The following CRKL variants were observed in gnomAD, a reference collection of about 807,000 sequenced individuals.
CRKL encodes the protein CRK like proto-oncogene, adaptor protein, also known as crk-like protein.
CRKL carries 3 observed loss-of-function variants against 23.0 expected under a neutral mutation model. The ratio of observed to expected loss-of-function variants is 0.13; its 90% CI spans 0.06 to 0.34. The LOEUF is 0.34. Among genes scored for constraint, CRKL ranks in the 10% least tolerant of loss-of-function variants. The pLI, the probability that CRKL is intolerant of heterozygous loss-of-function variation, is 1.00. For synonymous variants in CRKL, 188 were observed against 160.7 expected (o/e 1.17, Z -1.28); for missense variants, 256 against 394.5 (o/e 0.65, Z 2.97).
Position 20,935,194 on chromosome 22 carries a change from C to T in CRKL, c.777+950C>T, listed in dbSNP as rs964015556. Among the ~76,000 whole-genome samples, 92 of 152,012 alleles carry T rather than the reference C, an allele frequency of 6.1e-4. 2 individuals are homozygous for T. The highest frequency in any genetic ancestry group is 1.9e-4 in the Non-Finnish European group (13 of 68,012). Reference sequence around the variant, plus strand: ...GTGGCATGATCTTGCCTCATGGCAACGTCTGCCTCCTGGGTTCAAATGATT... The same window carrying T: ...GTGGCATGATCTTGCCTCATGGCAATGTCTGCCTCCTGGGTTCAAATGATT... On this transcript the variant is annotated intron_variant, in intron 2 of 2. Coordinates refer to ENST00000354336, the MANE Select transcript of CRKL (RefSeq NM_005207.4).
In CRKL at chr22:20,951,386, T is replaced by A. The variant is rs1922270520; in HGVS notation, c.*1541T>A. The A allele has an allele frequency of 4.3e-6, 1 of 230,940 alleles. No homozygotes were observed. Among genetic ancestry groups the A allele is most frequent in the Non-Finnish European group, 8.6e-6 (1 of 116,748 alleles). The allele number at this position is 230,940 out of a possible 1,614,324, so 14.3% of individuals were successfully genotyped here. ...ATTAACTAGTTTATCATTAACCACT[T>A]ATCAGTGTATTGATGTTAAAGCATT... On this transcript the variant is annotated 3_prime_UTR_variant, in exon 3 of 3. Coordinates refer to ENST00000354336, the MANE Select transcript of CRKL (RefSeq NM_005207.4).
At chr22:20,947,262 A>C (rs1922099383) in intron 2 of CRKL, among the ~76,000 whole-genome samples, 1 of 149,068 alleles carries the variant, frequency 6.7e-6, no homozygotes, top group Admixed American at 6.6e-5. Context: ...TTTTCAATAG[A>C]AGCTAGGTCT....
intron 1 of CRKL, among the ~76,000 whole-genome samples, chr22:20,925,972 T>C (rs960754391): frequency 6.6e-6 from 1 of 152,196 alleles, no homozygotes; most frequent in Non-Finnish European, 1.5e-5. Context: ...CTTTGGTCTA[T>C]TGAAAAAATT....
intron 1 of CRKL, among the ~76,000 whole-genome samples, chr22:20,919,604 T>G (rs1029278021): frequency 9.8e-5 from 15 of 152,338 alleles, no homozygotes; most frequent in African/African-American, 3.6e-4. Flanking sequence ...CAGAGGTTTC[T>G]TTTATTTAAA....
chr22:20,943,154 G>A (rs1456098445), intron 2 of CRKL, among the ~76,000 whole-genome samples: 1 of 152,102 alleles, frequency 6.6e-6, no homozygotes, highest in East Asian at 1.9e-4. Flanking sequence ...TTTCATATTG[G>A]CTTTTGGCAA....
chr22:20,923,901 GGTTGGCT>G (rs752448365), intron 1 of CRKL, among the ~76,000 whole-genome samples: 27 of 151,950 alleles, frequency 1.8e-4, no homozygotes, highest in Non-Finnish European at 3.4e-4. Context: ...AAAATGTAAA[GGTTGGCT>G]GTGCTCGGTG....
At chr22:20,933,163 G>T (rs920043379) in intron 1 of CRKL, among the ~76,000 whole-genome samples, 4 of 152,000 alleles carry the variant, frequency 2.6e-5, no homozygotes, top group Non-Finnish European at 5.9e-5. Flanking sequence ...GAGGTCAGGA[G>T]ATCAAGACCA....
chr22:20,930,869 A>T (rs1452275027), intron 1 of CRKL, among the ~76,000 whole-genome samples: 1 of 150,800 alleles, frequency 6.6e-6, no homozygotes, highest in Non-Finnish European at 1.5e-5. Flanking sequence ...TTTAGTAGAG[A>T]GACAGGGTTT....
chr22:20,931,710 A>C (rs1307349637), intron 1 of CRKL, among the ~76,000 whole-genome samples: 1 of 152,224 alleles, frequency 6.6e-6, no homozygotes, highest in Non-Finnish European at 1.5e-5. Context: ...CAATCTCTTC[A>C]AAGATCGTAA....
In CRKL at chr22:20,917,568, C is replaced by T. The variant is rs965759805; in HGVS notation, c.-367C>T. On this transcript the variant is annotated 5_prime_UTR_variant, in exon 1 of 3. Coordinates refer to ENST00000354336, the MANE Select transcript of CRKL (RefSeq NM_005207.4). ...GTGTGACGGCGGGGGTCGGTGAAGA[C>T]CCGTCGAGCTGCGGCGCCGGCGCGT... 11 of 312,520 alleles carry T rather than the reference C, an allele frequency of 3.5e-5. No individual in the cohort carries two copies. The highest frequency in any genetic ancestry group is 2.3e-4 in the African/African-American group (11 of 46,896). 19.4% of individuals were successfully genotyped at this position (312,520 alleles called of 1,614,324 possible). A position where few individuals can be genotyped will look rare whatever the true frequency, so the allele number is the denominator to read the frequency against.
rs146056968 is a variant in CRKL, at chr22:20,918,171, C to G, written c.237C>G (p.Asp79Glu). Reference sequence around the variant, plus strand: ...TTAAGATCGGGGACCAGGAATTTGACCATTTGCCGGCCCTGCTGGAGTTTT... The same window carrying G: ...TTAAGATCGGGGACCAGGAATTTGAGCATTTGCCGGCCCTGCTGGAGTTTT... ...RRFKIGDQEFDHLPALLEFYK... is the reference protein window; with the variant it reads ...RRFKIGDQEFEHLPALLEFYK... The change falls in exon 1 of 3, where the codon GAC (aspartate) becomes GAG (glutamate). Residue 79 changes from aspartate (D) to glutamate (E), a missense_variant. Asp to Glu is a conservative substitution (Grantham distance 45, BLOSUM62 2). This residue lies in a region of CRKL where 85 missense variants were observed against 139.8 expected (regional missense o/e 0.61). Coordinates refer to ENST00000354336, the MANE Select transcript of CRKL (RefSeq NM_005207.4). 6.2e-7 allele frequency: 1 copy of G among 1,614,136 alleles called. No homozygotes were observed. Among genetic ancestry groups the G allele is most frequent in the Non-Finnish European group, 8.5e-7 (1 of 1,180,034 alleles).
chr22:20,925,658 G>C (rs1274730692), intron 1 of CRKL, among the ~76,000 whole-genome samples: 2 of 152,256 alleles, frequency 1.3e-5, no homozygotes, highest in Non-Finnish European at 2.9e-5. Flanking sequence ...GGGCCACCAG[G>C]CACATAGCAA....
chr22:20,932,624 ATC>A (rs1921496526), intron 1 of CRKL, among the ~76,000 whole-genome samples: 1 of 152,076 alleles, frequency 6.6e-6, no homozygotes, highest in Admixed American at 6.6e-5. Flanking sequence ...TAAACCAGGT[ATC>A]TCTGTGTAAT....
intron 1 of CRKL, among the ~76,000 whole-genome samples, 175 bp from the exon 2 acceptor site, chr22:20,933,604 T>G (rs1314059937): frequency 1.3e-5 from 2 of 148,216 alleles, no homozygotes; most frequent in African/African-American, 2.5e-5. Flanking sequence ...GGAGGCAGAG[T>G]TTGCAGTGAG....
intron 1 of CRKL, among the ~76,000 whole-genome samples, chr22:20,930,063 A>G (rs1921382389): frequency 6.6e-6 from 1 of 152,144 alleles, no homozygotes; most frequent in Admixed American, 6.6e-5. Context: ...CAAATTTATG[A>G]ATATCTCTGC....
intron 1 of CRKL, among the ~76,000 whole-genome samples, chr22:20,925,895 C>T (rs899043420): frequency 4.6e-5 from 7 of 152,198 alleles, no homozygotes; most frequent in Non-Finnish European, 2.9e-5. Flanking sequence ...CCAAAGCTCA[C>T]TGCTAGACTC....
intron 2 of CRKL, among the ~76,000 whole-genome samples, chr22:20,934,613 C>T (rs737893): frequency 0.77 from 116,273 of 151,880 alleles, 45,078 homozygotes; most frequent in East Asian, 0.92. Flanking sequence ...CTTGCTCTTT[C>T]TTGTTCCCAA....
Position 20,950,390 on chromosome 22 carries a change from G to T in CRKL, c.*545G>T, listed in dbSNP as rs544048902. 180 of 230,582 alleles carry T rather than the reference G, an allele frequency of 7.8e-4. 1 individual carries two copies. Among genetic ancestry groups the T allele is most frequent in the South Asian group, 6.6e-3 (36 of 5,426 alleles). 14.3% of individuals were successfully genotyped at this position (230,582 alleles called of 1,614,324 possible). ...ACTAATTAATTAGACTTGTGTGGGGGTTTTTTTTTGTTTTGTTTTGTTTGT... is the reference window on the plus strand; with the variant it reads ...ACTAATTAATTAGACTTGTGTGGGGTTTTTTTTTTGTTTTGTTTTGTTTGT... On this transcript the variant is annotated 3_prime_UTR_variant, in exon 3 of 3. Coordinates refer to ENST00000354336, the MANE Select transcript of CRKL (RefSeq NM_005207.4).
rs1218594573 is a variant in CRKL at position 20,917,674 on chromosome 22, G to C, written c.-261G>C. The stretch of plus-strand genomic sequence containing the variant: ...CGGGGTGGCCTCCGCTGCGGCTCGG[G>C]TTTGCCTGCCCCGACCCCCCGGCTC... On this transcript the variant is annotated 5_prime_UTR_variant, in exon 1 of 3. Coordinates refer to ENST00000354336, the MANE Select transcript of CRKL (RefSeq NM_005207.4). 4.0e-6 allele frequency: 2 copies of C among 500,304 alleles called. No homozygotes were observed. The highest frequency in any genetic ancestry group is 7.0e-6 in the Non-Finnish European group (2 of 285,082). The allele number at this position is 500,304 out of a possible 1,614,324, so 31.0% of individuals were successfully genotyped here. A position where few individuals can be genotyped will look rare whatever the true frequency, so the allele number is the denominator to read the frequency against.
Sources: gnomAD v4.1 joint callset for allele counts (sites outside exome capture counted in the v4.1 genomes callset) on GRCh38, gnomAD v4.1.1 for gene constraint, gnomAD v4.1.1 regional missense constraint, MANE v1.5 for transcripts, NCBI Gene and HGNC (gene_info 2026-07-23, HGNC 2026-07-21) for gene names.